CD247: variants seen among roughly 807,000 people sequenced by gnomAD.
CD247 encodes the protein T-cell surface glycoprotein CD3 zeta chain.
CD247 carries 13 observed loss-of-function variants against 30.0 expected under a neutral mutation model. That is an observed-to-expected ratio of 0.43 (90% CI 0.28 to 0.69). CD247 has a LOEUF of 0.69. Ranked by LOEUF, CD247 falls within the 30% of genes least tolerant of loss-of-function variation. The pLI, the probability that CD247 is intolerant of heterozygous loss-of-function variation, is 0.16. For synonymous variants in CD247, 72 were observed against 80.0 expected, an observed-to-expected ratio of 0.90 and a Z score of 0.53; for missense variants, 193 against 212.6, an observed-to-expected ratio of 0.91 and a Z score of 0.57.
rs748185992 is a variant in CD247, at chr1:167,518,460, C to T, written c.6G>A (p.Lys2=). 1.2e-5 allele frequency: 20 copies of T among 1,614,004 alleles called. No individual in the cohort carries two copies. Among genetic ancestry groups the T allele is most frequent in the Non-Finnish European group, 1.5e-5 (18 of 1,180,024 alleles). ...TGGCCGCGGTGAAAAGCGCCTTCCA[C>T]TTCATCTTGTCCTTTCCCTCAGAAA... M[K]WKALFTAAIL... Residue 2 remains lysine, a synonymous_variant, in exon 1 of 8, where the codon AAG becomes AAA. Coordinates refer to ENST00000362089, the MANE Select transcript of CD247 (RefSeq NM_198053.3).
intron 5 of CD247, chr1:167,434,786 G>A (rs1651448682): frequency 4.4e-6 from 2 of 455,410 alleles, no homozygotes. Context: ...TTCAGCTAAG[G>A]AGACTTTCTA....
chr1:167,493,061 G>C (rs1284595373), intron 1 of CD247, among the ~76,000 whole-genome samples: 1 of 4,702 alleles, frequency 2.1e-4, no homozygotes, highest in Non-Finnish European at 5.2e-4. Flanking sequence ...TTTTTTTTTT[G>C]AGATGGAGTG....
At chr1:167,456,054 G>A (rs1371597355) in intron 1 of CD247, among the ~76,000 whole-genome samples, 2 of 152,004 alleles carry the variant, frequency 1.3e-5, no homozygotes, top group Admixed American at 6.5e-5. Context: ...AAGCGCCAGG[G>A]GTCTCTCCGT....
chr1:167,449,154 T>TTC (rs774179799), intron 1 of CD247, among the ~76,000 whole-genome samples: 2 of 57,616 alleles, frequency 3.5e-5, no homozygotes, highest in Non-Finnish European at 6.1e-5. Flanking sequence ...CTTTTCTTTT[T>TTC]TTTTTTTTTT....
chr1:167,451,741 G>A (rs1652358862), intron 1 of CD247, among the ~76,000 whole-genome samples: 1 of 152,228 alleles, frequency 6.6e-6, no homozygotes, highest in Non-Finnish European at 1.5e-5. Flanking sequence ...AAAAGGTCTT[G>A]AAAGAGGTCA....
rs1651418444 is a variant in CD247 at position 167,434,238 on chromosome 1, C to T, written c.337-162G>A. 8 of 710,836 alleles carry T rather than the reference C, an allele frequency of 1.1e-5. No homozygotes were observed. In the South Asian group the frequency reaches 1.2e-4, roughly 11 times the overall value. The allele number at this position is 710,836 out of a possible 1,614,324, so 44.0% of individuals were successfully genotyped here. A position where few individuals can be genotyped will look rare whatever the true frequency, so the allele number is the denominator to read the frequency against. ...AACCTTATGCACACAAACTTCTCTG[C>T]CCACAACCAGCTCCAGCCCACCCCC... On this transcript the variant is annotated intron_variant, in intron 5 of 7. Coordinates refer to ENST00000362089, the MANE Select transcript of CD247 (RefSeq NM_198053.3).
intron 1 of CD247, among the ~76,000 whole-genome samples, chr1:167,465,016 T>G (rs568177130): frequency 6.6e-6 from 1 of 152,288 alleles, no homozygotes; most frequent in East Asian, 1.9e-4. Context: ...CATTTTACGT[T>G]TATTTCCTTT....
At chr1:167,509,402 A>AAATC (rs1237781332) in intron 1 of CD247, among the ~76,000 whole-genome samples, 71 of 151,886 alleles carry the variant, frequency 4.7e-4, no homozygotes, top group Non-Finnish European at 9.1e-4. Context: ...AAAAGAAAAG[A>AAATC]AATCATTATC....
chr1:167,478,718 T>C (rs1653854156), intron 1 of CD247, among the ~76,000 whole-genome samples: 1 of 152,214 alleles, frequency 6.6e-6, no homozygotes, highest in East Asian at 1.9e-4. Flanking sequence ...ATAAGTAAAT[T>C]AATATGGGTA....
chr1:167,481,794 C>T (rs1447731692), intron 1 of CD247, among the ~76,000 whole-genome samples: 1 of 152,092 alleles, frequency 6.6e-6, no homozygotes, highest in Non-Finnish European at 1.5e-5. Context: ...CCATACCTGT[C>T]ACTGCATTCA....
intron 1 of CD247, among the ~76,000 whole-genome samples, chr1:167,449,518 G>GA (rs1308462879): frequency 6.6e-6 from 1 of 152,026 alleles, no homozygotes; most frequent in African/African-American, 2.4e-5. Flanking sequence ...AGAAAAGTAG[G>GA]AAAAAATCAG....
At chr1:167,484,593 A>G (rs1437679572) in intron 1 of CD247, among the ~76,000 whole-genome samples, 1 of 152,250 alleles carries the variant, frequency 6.6e-6, no homozygotes, top group African/African-American at 2.4e-5. Flanking sequence ...CCTGGCCAAC[A>G]TGATGAAACC....
At chr1:167,495,105 A>G (rs1654628609) in intron 1 of CD247, among the ~76,000 whole-genome samples, 1 of 152,244 alleles carries the variant, frequency 6.6e-6, no homozygotes, top group Admixed American at 6.5e-5. Context: ...TTCAAAGTCC[A>G]GCGTAAGAAA....
chr1:167,494,824 A>G lies in CD247; in HGVS notation c.58+23584T>C, dbSNP rs1484799935. ...AGACAATTATTACCTCAGATCACAT[A>G]CGCCTTGGATTTCAGAGCTGGAAAG... On this transcript the variant is annotated intron_variant, in intron 1 of 7. Transcript: ENST00000362089. This position sits in a 1 kb window ranked among gnomAD's most constrained non-coding sequence, Gnocchi z 7.3. 6.6e-6 allele frequency among the ~76,000 whole-genome samples: 1 copy of G among 152,220 alleles called. No individual in the cohort carries two copies.
intron 1 of CD247, among the ~76,000 whole-genome samples, chr1:167,466,866 G>A (rs1387096880): frequency 2.7e-5 from 4 of 148,244 alleles, no homozygotes; most frequent in Admixed American, 6.7e-5. Flanking sequence ...TTGAGACGAA[G>A]TCTCGCTCTG....
chr1:167,457,288 G>T (rs1199131786), intron 1 of CD247: 1 of 152,348 alleles, frequency 6.6e-6, no homozygotes, highest in East Asian at 1.9e-4. Flanking sequence ...TGGGGGACCT[G>T]GGCGCTCTGT....
At chr1:167,506,260 TCTTTTCTTTTC>T (rs959340549) in intron 1 of CD247, among the ~76,000 whole-genome samples, 2 of 21,104 alleles carry the variant, frequency 9.5e-5, no homozygotes, top group Non-Finnish European at 1.7e-4. Context: ...TCTTTTCTTT[TCTTTTCTTTTC>T]CTTTTCTTTT....
At chr1:167,500,879 C>A (rs563892631) in intron 1 of CD247, among the ~76,000 whole-genome samples, 4 of 152,056 alleles carry the variant, frequency 2.6e-5, no homozygotes, top group Non-Finnish European at 5.9e-5. Flanking sequence ...TCACTGAGGC[C>A]AACTTCCCAT....
At chr1:167,448,420 A>G in intron 1 of CD247, 1 of 985,378 alleles carries the variant, frequency 1.0e-6, no homozygotes, top group Non-Finnish European at 1.2e-6. Flanking sequence ...CCAGGATCGA[A>G]CCATTATAGC....
Sources: gnomAD v4.1 joint callset for allele counts (sites outside exome capture counted in the v4.1 genomes callset) on GRCh38, gnomAD v4.1.1 for gene constraint, Gnocchi (gnomAD v3.1) non-coding constraint, MANE v1.5 for transcripts, NCBI Gene and HGNC (gene_info 2026-07-23, HGNC 2026-07-21) for gene names.